PAPPA: variants seen among roughly 807,000 people sequenced by gnomAD.
The protein encoded by PAPPA is pappalysin-1.
A neutral mutation model predicts 164.0 loss-of-function variants in PAPPA; 60 were observed. The ratio of observed to expected loss-of-function variants is 0.37; its 90% CI spans 0.30 to 0.45. The LOEUF is 0.45. Among genes scored for constraint, PAPPA ranks in the 20% least tolerant of loss-of-function variants. The pLI is 1.00. For missense variants in PAPPA, 1,782 were observed against 2,087.3 expected (o/e 0.85, Z 2.85); for synonymous variants, 875 against 814.1 (o/e 1.07, Z -1.27).
chr9:116,203,306 T>C (rs1441835432), intron 2 of PAPPA, among the ~76,000 whole-genome samples: 1 of 152,228 alleles, frequency 6.6e-6, no homozygotes, highest in African/African-American at 2.4e-5. Flanking sequence ...CCTTGAGCTC[T>C]GGCCTTGCTC....
At chr9:116,199,815 G>T (rs779592665) in intron 2 of PAPPA, among the ~76,000 whole-genome samples, 3 of 152,104 alleles carry the variant, frequency 2.0e-5, no homozygotes, top group Non-Finnish European at 2.9e-5. Context: ...GACTCAAACT[G>T]CTTCCCCTCA....
At chr9:116,316,503 G>C (rs1267498198) in intron 10 of PAPPA, 1 of 152,208 alleles carries the variant, frequency 6.6e-6, no homozygotes, top group Non-Finnish European at 1.5e-5. Flanking sequence ...TGCCACTAGG[G>C]AAAAGCATCA....
chr9:116,352,946 G>A (rs1846303701), intron 16 of PAPPA, 30 bp downstream of exon 16: 1 of 1,545,920 alleles, frequency 6.5e-7, no homozygotes, highest in Non-Finnish European at 8.9e-7. Context: ...CAAACTTATG[G>A]TCTCTGGGAG....
intron 9 of PAPPA, among the ~76,000 whole-genome samples, chr9:116,273,521 A>G (rs1171121490): frequency 1.3e-5 from 2 of 152,216 alleles, no homozygotes; most frequent in Non-Finnish European, 1.5e-5. Context: ...AATTTGGGAT[A>G]TTTTATATGC....
At chr9:116,262,141 C>A (rs1344993766) in intron 7 of PAPPA, among the ~76,000 whole-genome samples, 1 of 150,686 alleles carries the variant, frequency 6.6e-6, no homozygotes, top group Non-Finnish European at 1.5e-5. Context: ...GTTGAGCCAG[C>A]GAGTTTGAGG....
chr9:116,295,566 A>AAAAAAAG (rs1554749299), intron 9 of PAPPA, among the ~76,000 whole-genome samples: 36 of 150,248 alleles, frequency 2.4e-4, no homozygotes, highest in African/African-American at 8.2e-4. Context: ...AAAAAAAAAA[A>AAAAAAAG]AAAAGAAAAG....
At chr9:116,370,513 C>T (rs1483679457) in intron 19 of PAPPA, among the ~76,000 whole-genome samples, 1 of 134,478 alleles carries the variant, frequency 7.4e-6, no homozygotes, top group African/African-American at 2.5e-5. Context: ...TAACAACTGG[C>T]TCTCCACAAA....
intron 2 of PAPPA, among the ~76,000 whole-genome samples, chr9:116,198,898 A>T (rs773980054): frequency 6.6e-6 from 1 of 151,820 alleles, no homozygotes; most frequent in Non-Finnish European, 1.5e-5. Context: ...GATATGAGGG[A>T]CCTCATACAT....
chr9:116,308,933 A>G (rs1845680916), intron 10 of PAPPA, among the ~76,000 whole-genome samples: 1 of 152,180 alleles, frequency 6.6e-6, no homozygotes, highest in Non-Finnish European at 1.5e-5. Flanking sequence ...TATAGTAGGG[A>G]TATGGGGAGA....
At chr9:116,234,448 T>C in intron 6 of PAPPA, among the ~76,000 whole-genome samples, 1 of 152,126 alleles carries the variant, frequency 6.6e-6, no homozygotes, top group Admixed American at 6.5e-5. Flanking sequence ...GCTCTGTTGT[T>C]CATGGTTCTA....
intron 10 of PAPPA, among the ~76,000 whole-genome samples, chr9:116,303,777 T>A (rs977397233): frequency 4.6e-5 from 7 of 152,196 alleles, no homozygotes; most frequent in Middle Eastern, 3.2e-3. Context: ...TGATTTAGGT[T>A]TAGTCGGGTA....
At position 116,344,673 on chromosome 9, in the gene PAPPA, C is replaced by A; in HGVS notation, c.3742C>A (p.Leu1248Ile). The change falls in exon 14 of 22, where the codon CTC becomes ATC. Residue 1248 changes from leucine (L) to isoleucine (I), a missense_variant. Coordinates refer to ENST00000328252, the MANE Select transcript of PAPPA (RefSeq NM_002581.5). ...TGTGAGCTGCCGGACAGGCTACGTG[C>A]TCCAGATACGGCGGGATGATGAGCT... Reference protein sequence around the residue: ...CTVSCRTGYVLQIRRDDELIK... With the variant: ...CTVSCRTGYVIQIRRDDELIK... 6.2e-7 allele frequency: 1 copy of A among 1,614,136 alleles called. No homozygotes were observed. Among genetic ancestry groups the A allele is most frequent in the Non-Finnish European group, 8.5e-7 (1 of 1,179,980 alleles).
intron 10 of PAPPA, among the ~76,000 whole-genome samples, chr9:116,324,621 C>T (rs1396213003): frequency 3.3e-5 from 5 of 152,118 alleles, no homozygotes; most frequent in African/African-American, 9.7e-5. Context: ...AGGAACTATA[C>T]GGACACATAA....
chr9:116,187,155 G>A lies in PAPPA; in HGVS notation c.417G>A (p.Gly139=), dbSNP rs138083509. 5.8e-5 allele frequency: 94 copies of A among 1,607,932 alleles called. No individual in the cohort carries two copies. Among genetic ancestry groups the A allele is most frequent in the Non-Finnish European group, 7.6e-5 (89 of 1,174,608 alleles). Residue 139 remains glycine (G), a splice_region_variant and synonymous_variant, in exon 2 of 22, where the codon GGG becomes GGA. Coordinates refer to ENST00000328252, the MANE Select transcript of PAPPA (RefSeq NM_002581.5). The surrounding 1 kb of genome is among the most constrained non-coding windows in gnomAD (Gnocchi z 4.2). ...GGQRSPAVIT[G]LYDKCSYISR... ...TCTTTCTCTTTTGGGGCCACATAGG[G>A]CTGTATGACAAATGTTCTTATATCT...
chr9:116,384,959 T>C (rs950598201), intron 21 of PAPPA, among the ~76,000 whole-genome samples: 1 of 152,174 alleles, frequency 6.6e-6, no homozygotes, highest in African/African-American at 2.4e-5. Flanking sequence ...AATATGAAGC[T>C]GATTTTTTGA....
chr9:116,192,163 A>G (rs149989188), intron 2 of PAPPA, among the ~76,000 whole-genome samples: 3,967 of 152,250 alleles, frequency 0.026, 141 homozygotes, highest in Admixed American at 0.099. Context: ...AAGTCACAAA[A>G]CAAAGGAACC....
chr9:116,366,420 AT>A (rs900345262), intron 18 of PAPPA, among the ~76,000 whole-genome samples: 11 of 151,982 alleles, frequency 7.2e-5, no homozygotes, highest in African/African-American at 1.9e-4. Flanking sequence ...TCATTACCTG[AT>A]TTTTTTTATT....
intron 1 of PAPPA, among the ~76,000 whole-genome samples, chr9:116,155,882 G>A (rs1380954736): frequency 6.6e-6 from 1 of 151,078 alleles, no homozygotes; most frequent in African/African-American, 2.4e-5. Flanking sequence ...CACAACTGAC[G>A]TCATCGCATG....
rs989726572 is a variant in PAPPA, at chr9:116,334,453, C to T, written c.3398-408C>T. On this transcript the variant is annotated intron_variant, in intron 12 of 21. Transcript: ENST00000328252. ...AGAGTGGGCTTTTTACCCTGGGAAGCGCCTGTTGCTATGAATTATTTCCAT... is the reference window on the plus strand; with the variant it reads ...AGAGTGGGCTTTTTACCCTGGGAAGTGCCTGTTGCTATGAATTATTTCCAT... 2.6e-5 allele frequency among the ~76,000 whole-genome samples: 4 copies of T among 152,212 alleles called. No homozygotes were observed. In the South Asian group the frequency reaches 6.2e-4, roughly 24 times the overall value.
Sources: allele counts gnomAD v4.1 joint callset (sites outside exome capture counted in the v4.1 genomes callset), GRCh38; gene constraint gnomAD v4.1.1; non-coding constraint Gnocchi (gnomAD v3.1); transcripts MANE v1.5; gene names NCBI Gene and HGNC (gene_info 2026-07-23, HGNC 2026-07-21).